Variants in SETX observed in about 807,000 individuals in gnomAD.
SETX encodes helicase senataxin.
Under a neutral mutation model 227.2 loss-of-function variants are expected in SETX, and 90 were observed. That is an observed-to-expected ratio of 0.40 (90% CI 0.33 to 0.47). The LOEUF is 0.47. Among genes scored for constraint, SETX ranks in the 20% least tolerant of loss-of-function variants. SETX has a pLI of 0.91. For synonymous variants in SETX, 1,210 were observed against 1,113.2 expected (o/e 1.09, Z -1.73); for missense variants, 3,052 against 3,181.5 (o/e 0.96, Z 0.98).
intron 22 of SETX, 144 bp from the exon 23 acceptor site, chr9:132,275,564 C>T (rs1201432722): frequency 3.0e-6 from 2 of 670,284 alleles, no homozygotes; most frequent in East Asian, 5.5e-5. Context: ...GCAGTGACTC[C>T]AAGAGGCTGT....
At chr9:132,338,713 C>T (rs191684828) in intron 5 of SETX, among the ~76,000 whole-genome samples, 33 of 152,208 alleles carry the variant, frequency 2.2e-4, no homozygotes, top group African/African-American at 7.2e-4. Context: ...CTGTTCAGAT[C>T]TTCATCCATA....
At chr9:132,345,924 C>T (rs1848259018) in intron 4 of SETX, among the ~76,000 whole-genome samples, 1 of 152,058 alleles carries the variant, frequency 6.6e-6, no homozygotes, top group South Asian at 2.1e-4. Context: ...AAGGCTCAGG[C>T]AGGAGTATTA....
At chr9:132,319,492 T>C (rs1209328691) in intron 10 of SETX, among the ~76,000 whole-genome samples, 1 of 152,190 alleles carries the variant, frequency 6.6e-6, no homozygotes, top group East Asian at 1.9e-4. Flanking sequence ...TCCAATCTTA[T>C]TTCATTTCTC....
chr9:132,287,036 T>C (rs1843943394), intron 17 of SETX, among the ~76,000 whole-genome samples: 1 of 152,172 alleles, frequency 6.6e-6, no homozygotes, highest in Admixed American at 6.6e-5. Flanking sequence ...AAACAAATTA[T>C]GGAGTGGAGA....
intron 6 of SETX, among the ~76,000 whole-genome samples, chr9:132,335,162 G>T (rs538725065): frequency 6.6e-6 from 1 of 151,650 alleles, no homozygotes; most frequent in African/African-American, 2.4e-5. Flanking sequence ...AGGCCAAGGC[G>T]GGCAGATCAC....
chr9:132,317,247 G>A (rs573860043), intron 10 of SETX, among the ~76,000 whole-genome samples: 14 of 152,236 alleles, frequency 9.2e-5, no homozygotes, highest in African/African-American at 3.1e-4. Context: ...GCTGCCACAG[G>A]GACACTACGT....
At chr9:132,316,788 G>A (rs563756443) in intron 10 of SETX, among the ~76,000 whole-genome samples, 10 of 152,240 alleles carry the variant, frequency 6.6e-5, no homozygotes, top group East Asian at 5.8e-4. Flanking sequence ...CCGGGTATCC[G>A]CCTGCCCCGT....
chr9:132,353,487 C>T (rs1213965353), intron 2 of SETX, among the ~76,000 whole-genome samples, 162 bp downstream of exon 2: 3 of 151,996 alleles, frequency 2.0e-5, no homozygotes, highest in African/African-American at 4.8e-5. Context: ...GCAAGCTCTT[C>T]CTGAGTGTCA....
Position 132,328,455 on chromosome 9 carries a change from T to C in SETX, c.3143A>G (p.Gln1048Arg), listed in dbSNP as rs769702224. Residue 1048 changes from glutamine to arginine, a missense_variant, in exon 10 of 26, where the codon CAG becomes CGG. By Grantham distance (43) the Gln-to-Arg change is conservative. Around this residue, in one of 10 missense-constraint regions of SETX, gnomAD observed 1,483 missense variants for 1,312.0 expected, o/e 1.13. Transcript: ENST00000224140. The stretch of plus-strand genomic sequence containing the variant: ...CTTACTATTAACTGTTGAAACGTGC[T>C]GCTCTGGATGTTCCCTCTCAAGGCA... ...KICLEREHPE[Q>R]HVSTVNSKEE... is the part of the protein sequence containing the mutation. The C allele has an allele frequency of 1.9e-6, 3 of 1,613,628 alleles. No homozygotes were observed. The South Asian group carries it at 3.3e-5, about 18-fold the overall frequency.
intron 10 of SETX, among the ~76,000 whole-genome samples, chr9:132,315,585 C>A (rs1845916480): frequency 6.6e-6 from 1 of 152,198 alleles, no homozygotes; most frequent in Non-Finnish European, 1.5e-5. Context: ...AATGACCATT[C>A]AGCTTAGTGC....
In SETX at chr9:132,328,079, A is replaced by T. The variant is rs1242511941; in HGVS notation, c.3519T>A (p.Pro1173=). The change falls in exon 10 of 26, where the codon CCT becomes CCA. Residue 1173 remains proline, a synonymous_variant. Transcript: ENST00000224140. The stretch of plus-strand genomic sequence containing the variant: ...TTCTGACAGAAGATGAAGGCCTCAC[A>T]GGATCTTCAGCCATTGGTTTTTCAG... The part of the protein sequence containing the change: ...KRSEKPMAED[P]VRPSSSVRNE... 1.9e-6 allele frequency: 3 copies of T among 1,614,156 alleles called. No individual in the cohort carries two copies. In the African/African-American group the frequency reaches 4.0e-5, roughly 22 times the overall value.
intron 25 of SETX, among the ~76,000 whole-genome samples, chr9:132,266,656 C>T (rs918852832): frequency 1.3e-5 from 2 of 152,058 alleles, no homozygotes; most frequent in African/African-American, 4.8e-5. Flanking sequence ...GCTATAATCC[C>T]AGGTACTTGA....
intron 22 of SETX, among the ~76,000 whole-genome samples, chr9:132,276,746 A>T (rs936695088): frequency 6.6e-6 from 1 of 152,042 alleles, no homozygotes; most frequent in Non-Finnish European, 1.5e-5. Context: ...ACTTAACCCA[A>T]CTGGAATAAC....
chr9:132,309,414 T>G (rs570455795), intron 11 of SETX, among the ~76,000 whole-genome samples: 1 of 151,870 alleles, frequency 6.6e-6, no homozygotes, highest in Non-Finnish European at 1.5e-5. Flanking sequence ...CCAACCCACA[T>G]GCCTCAGTCA....
At chr9:132,332,218 T>A (rs1308252440) in intron 7 of SETX, among the ~76,000 whole-genome samples, 2 of 152,246 alleles carry the variant, frequency 1.3e-5, no homozygotes, top group Non-Finnish European at 2.9e-5. Flanking sequence ...TTTTTCATAT[T>A]CCTATAATCA....
intron 10 of SETX, among the ~76,000 whole-genome samples, chr9:132,312,678 G>A (rs1845731943): frequency 6.6e-6 from 1 of 152,148 alleles, no homozygotes; most frequent in South Asian, 2.1e-4. Context: ...TACTGAATCT[G>A]TGTTATCTGC....
chr9:132,329,812 TTA>T lies in SETX; in HGVS notation c.1784_1785del (p.Ile595LysfsTer8). On this transcript the variant is annotated frameshift_variant, in exon 10 of 26. Transcript: ENST00000224140. LOFTEE classifies it high-confidence loss of function. The part of the protein sequence containing the change: ...QSCLKQIIRN[I>X]KFKAPPCNTF... ...GTGTTACATGGAGGTGCTTTGAATT[TTA>T]TGTTTCTAATAATTTGCTTTAAGCA... 1.9e-6 allele frequency: 3 copies of T among 1,614,042 alleles called. No homozygotes were observed. The highest frequency in any genetic ancestry group is 1.7e-6 in the Non-Finnish European group (2 of 1,179,976).
At chr9:132,315,069 C>T (rs990869094) in intron 10 of SETX, among the ~76,000 whole-genome samples, 4 of 151,752 alleles carry the variant, frequency 2.6e-5, no homozygotes, top group South Asian at 4.2e-4. Flanking sequence ...CGTGCCACCA[C>T]GCCCGGCTAA....
intron 11 of SETX, among the ~76,000 whole-genome samples, chr9:132,308,713 A>G (rs767370409): frequency 1.2e-4 from 18 of 152,344 alleles, no homozygotes; most frequent in Admixed American, 2.6e-4. Flanking sequence ...TTTAACCTAA[A>G]TAACTGAAGA....
Sources: gnomAD v4.1 joint callset for allele counts (sites outside exome capture counted in the v4.1 genomes callset) on GRCh38, gnomAD v4.1.1 for gene constraint, gnomAD v4.1.1 regional missense constraint, MANE v1.5 for transcripts, NCBI Gene and HGNC (gene_info 2026-07-23, HGNC 2026-07-21) for gene names.